Variants in RIPOR2 observed in about 807,000 individuals in gnomAD.
The protein encoded by RIPOR2 is rho family-interacting cell polarization regulator 2.
In RIPOR2, 39 loss-of-function variants were observed where a neutral mutation model predicts 114.5. That is an observed-to-expected ratio of 0.34 (90% confidence interval 0.26 to 0.44). RIPOR2 has a LOEUF of 0.44. Among genes scored for constraint, RIPOR2 ranks in the 20% least tolerant of loss-of-function variants. The pLI, the probability that RIPOR2 is intolerant of heterozygous loss-of-function variation, is 1.00. For synonymous variants in RIPOR2, 445 were observed against 484.4 expected (o/e 0.92, Z 1.07); for missense variants, 1,007 against 1,255.1 (o/e 0.80, Z 2.99).
chr6:24,835,959 G>T, intron 14 of RIPOR2, 88 bp from the exon 15 acceptor site: 1 of 1,235,558 alleles, frequency 8.1e-7, no homozygotes, highest in Non-Finnish European at 1.1e-6. Context: ...GGCCCCAACA[G>T]CACCCACTGA....
chr6:24,959,306 T>A (rs1481806832), intron 1 of RIPOR2, among the ~76,000 whole-genome samples: 1 of 152,224 alleles, frequency 6.6e-6, no homozygotes, highest in Non-Finnish European at 1.5e-5. Flanking sequence ...ATTCAACTCA[T>A]AACTGGTAGC....
At chr6:24,935,707 C>G (rs1358569206) in intron 1 of RIPOR2, 131 bp downstream of exon 1, 2 of 651,046 alleles carry the variant, frequency 3.1e-6, no homozygotes, top group East Asian at 5.6e-5. Flanking sequence ...CAGCCACTAC[C>G]TCACTCAGGA....
chr6:24,850,950 CAAT>C (rs1299388123), intron 9 of RIPOR2, among the ~76,000 whole-genome samples: 1 of 150,278 alleles, frequency 6.7e-6, no homozygotes, highest in Non-Finnish European at 1.5e-5. Context: ...GGCTGGAGTG[CAAT>C]GGTGTGATCT....
intron 1 of RIPOR2, among the ~76,000 whole-genome samples, chr6:24,908,191 T>C (rs1769183626): frequency 6.6e-6 from 1 of 152,206 alleles, no homozygotes; most frequent in Admixed American, 6.5e-5. Context: ...AAATCTGCCA[T>C]TGCCCTGAGG....
At position 24,928,218 on chromosome 6, in the gene RIPOR2, G is replaced by A. The variant is rs1447158854; in HGVS notation, c.61+7620C>T. Among the ~76,000 whole-genome samples the A allele has an allele frequency of 2.0e-5, 3 of 152,260 alleles. No homozygotes were observed. The East Asian group carries it at 5.8e-4, about 29-fold the overall frequency. On this transcript the variant is annotated intron_variant, in intron 1 of 21. Transcript: ENST00000643898. ...CTCAGCATATGAACCACAAGTTGAA[G>A]GAGAAGAGTTTGTTTTTCCTAATAT... is the stretch of plus-strand genomic sequence containing the variant.
At position 24,843,106 on chromosome 6, in the gene RIPOR2, G is replaced by A. The variant is rs142889670; in HGVS notation, c.1613C>T (p.Ser538Leu). ...CAGCTGCTTTGTGATGTTTCCTTCCGAAGTGTCCAGTTCCACAGGCTTGAG... is the reference window on the plus strand; with the variant it reads ...CAGCTGCTTTGTGATGTTTCCTTCCAAAGTGTCCAGTTCCACAGGCTTGAG... ...SELKPVELDT[S>L]EGNITKQLVK... Residue 538 changes from serine to leucine, a missense_variant, in exon 13 of 22, where the codon TCG (serine) becomes TTG (leucine). Physicochemically the swap from Ser to Leu is moderately radical, Grantham distance 145. Transcript: ENST00000643898. The A allele has an allele frequency of 1.0e-3, 1,639 of 1,613,964 alleles. 5 individuals are homozygous for A. The African/African-American group carries it at 0.013, about 13-fold the overall frequency.
At chr6:25,001,933 CTCCTGACCTTGTGA>C (rs1040203889) in intron 1 of RIPOR2, among the ~76,000 whole-genome samples, 6 of 151,938 alleles carry the variant, frequency 3.9e-5, no homozygotes, top group Admixed American at 1.3e-4. Context: ...CAGCCTCGAT[CTCCTGACCTTGTGA>C]TCCACCCGCC....
chr6:25,007,146 A>G (rs1004952249), intron 1 of RIPOR2, among the ~76,000 whole-genome samples: 1 of 152,222 alleles, frequency 6.6e-6, no homozygotes, highest in Non-Finnish European at 1.5e-5. Flanking sequence ...TAGTCTTCTT[A>G]ATACTGCTGG....
chr6:25,040,468 G>A (rs961434888), intron 1 of RIPOR2, among the ~76,000 whole-genome samples: 1 of 152,102 alleles, frequency 6.6e-6, no homozygotes, highest in African/African-American at 2.4e-5. Context: ...CCAGGGCTTG[G>A]CTACTGGTGG....
intron 17 of RIPOR2, 97 bp from the exon 18 acceptor site, chr6:24,828,392 C>G (rs1760376198): frequency 8.8e-7 from 1 of 1,138,444 alleles, no homozygotes; most frequent in East Asian, 3.0e-5. Flanking sequence ...ATTTTAGAGA[C>G]AGGGTCTCAC....
At chr6:24,970,340 T>C (rs1773725164) in intron 1 of RIPOR2, among the ~76,000 whole-genome samples, 1 of 152,138 alleles carries the variant, frequency 6.6e-6, no homozygotes, top group African/African-American at 2.4e-5. Flanking sequence ...GCGGAGGCAG[T>C]AGAGGATTAT....
chr6:24,852,284 GTAAA>G (rs1456106532), intron 9 of RIPOR2, among the ~76,000 whole-genome samples: 3 of 151,090 alleles, frequency 2.0e-5, no homozygotes, highest in East Asian at 1.9e-4. Context: ...AAATAAGTAA[GTAAA>G]TAAATAAATA....
At chr6:24,819,720 C>G (rs1290578478) in intron 19 of RIPOR2, among the ~76,000 whole-genome samples, 1 of 136,634 alleles carries the variant, frequency 7.3e-6, no homozygotes, top group African/African-American at 2.7e-5. Flanking sequence ...CCAGGCTGGT[C>G]TTGAATTCCT....
At chr6:24,850,414 C>G (rs547621654) in intron 10 of RIPOR2, among the ~76,000 whole-genome samples, 183 bp downstream of exon 10, 2 of 152,206 alleles carry the variant, frequency 1.3e-5, no homozygotes, top group Middle Eastern at 3.4e-3. Flanking sequence ...GTGGATATTT[C>G]AAAAGTGTAT....
chr6:24,933,184 G>A lies in RIPOR2; in HGVS notation c.61+2654C>T, dbSNP rs115118504. ...ATTTTGAATCTGAGGTTAACCAGAC[G>A]TGAAAAAATGGTCACTATTCTATAA... On this transcript the variant is annotated intron_variant, in intron 1 of 21. Coordinates refer to ENST00000643898, the MANE Select transcript of RIPOR2 (RefSeq NM_001286445.3). Among the ~76,000 whole-genome samples the A allele has an allele frequency of 7.9e-3, 1,198 of 152,208 alleles. 15 individuals are homozygous for A. Among genetic ancestry groups the A allele is most frequent in the African/African-American group, 0.026 (1,069 of 41,530 alleles).
chr6:24,881,649 A>G (rs1432005338), intron 1 of RIPOR2, among the ~76,000 whole-genome samples: 1 of 152,220 alleles, frequency 6.6e-6, no homozygotes, highest in Non-Finnish European at 1.5e-5. Flanking sequence ...CCAATTAAAC[A>G]CATATCAGGG....
At chr6:25,022,924 A>T (rs188149486) in intron 1 of RIPOR2, among the ~76,000 whole-genome samples, 27 of 152,298 alleles carry the variant, frequency 1.8e-4, no homozygotes, top group African/African-American at 6.5e-4. Flanking sequence ...AAAAGAGAAA[A>T]TGCAAATAGA....
intron 1 of RIPOR2, among the ~76,000 whole-genome samples, chr6:24,919,307 G>A (rs981276302): frequency 5.9e-5 from 9 of 152,258 alleles, no homozygotes; most frequent in Middle Eastern, 3.4e-3. Flanking sequence ...AATTATTCAC[G>A]CCACCGAAGT....
rs113981068 is a variant in RIPOR2, at chr6:25,030,445, C to G, written c.76+11406G>C. ...CCCCAGAACTTGGGGGTTGTCCCCT[C>G]TGATGATCATGTTTACTCATGCTTT... On this transcript the variant is annotated intron_variant, in intron 1 of 13. Coordinates refer to the RIPOR2 transcript ENST00000510784. Among the ~76,000 whole-genome samples, 321 of 152,220 alleles carry G rather than the reference C, an allele frequency of 2.1e-3. 1 individual carries two copies. Among genetic ancestry groups the G allele is most frequent in the African/African-American group, 7.4e-3 (308 of 41,510 alleles).
Sources: gnomAD v4.1 joint callset for allele counts (sites outside exome capture counted in the v4.1 genomes callset) on GRCh38, gnomAD v4.1.1 for gene constraint, MANE v1.5 for transcripts, NCBI Gene and HGNC (gene_info 2026-07-23, HGNC 2026-07-21) for gene names.